The following WWP2 variants were observed in gnomAD, a reference collection of about 807,000 sequenced individuals.
The protein encoded by WWP2 is WW domain containing E3 ubiquitin protein ligase 2, also known as NEDD4-like E3 ubiquitin-protein ligase WWP2.
A neutral mutation model predicts 121.0 loss-of-function variants in WWP2; 57 were observed. The ratio of observed to expected loss-of-function variants is 0.47; its 90% CI spans 0.38 to 0.59. The LOEUF (loss-of-function observed/expected upper bound fraction) is 0.59, where lower values mean the gene tolerates loss of function less well. Among genes scored for constraint, WWP2 ranks in the 20% least tolerant of loss-of-function variants. The pLI is 0.00. For synonymous variants in WWP2, 449 were observed against 441.3 expected, an observed-to-expected ratio of 1.02 and a Z score of -0.22; for missense variants, 962 against 1,158.9, an observed-to-expected ratio of 0.83 and a Z score of 2.47.
At chr16:69,795,696 C>A (rs1014487272) in intron 2 of WWP2, among the ~76,000 whole-genome samples, 1 of 119,294 alleles carries the variant, frequency 8.4e-6, no homozygotes, top group African/African-American at 3.2e-5. Flanking sequence ...CTCTCCATCA[C>A]CCAGGCTGGA....
intron 7 of WWP2, among the ~76,000 whole-genome samples, chr16:69,873,016 G>T (rs998500948): frequency 2.6e-5 from 4 of 152,218 alleles, no homozygotes; most frequent in Admixed American, 2.6e-4. Context: ...AGTTGGGCTG[G>T]GATGTAGATG....
intron 5 of WWP2, among the ~76,000 whole-genome samples, chr16:69,840,975 G>A (rs770057778): frequency 2.6e-5 from 4 of 152,170 alleles, no homozygotes; most frequent in Admixed American, 6.5e-5. Flanking sequence ...CTCAGTGGCC[G>A]GATGGGCCTT....
chr16:69,921,209 T>C (rs1567433357), intron 10 of WWP2, among the ~76,000 whole-genome samples: 1 of 152,174 alleles, frequency 6.6e-6, no homozygotes, highest in Non-Finnish European at 1.5e-5. Flanking sequence ...TTGATTTTCC[T>C]CCCCCTCTGG....
intron 7 of WWP2, among the ~76,000 whole-genome samples, chr16:69,886,440 C>A (rs2057926268): frequency 6.6e-6 from 1 of 151,656 alleles, no homozygotes; most frequent in African/African-American, 2.4e-5. Context: ...ATAGAATCAG[C>A]CTCACATGAA....
At chr16:69,813,017 C>T (rs1192039485) in intron 4 of WWP2, among the ~76,000 whole-genome samples, 1 of 152,142 alleles carries the variant, frequency 6.6e-6, no homozygotes, top group Non-Finnish European at 1.5e-5. Context: ...TGAATTCCAT[C>T]CTTCCTTCTG....
At position 69,896,477 on chromosome 16, in the gene WWP2, G is replaced by A. The variant is rs563849885; in HGVS notation, c.914+8228G>A. 3.1e-3 allele frequency among the ~76,000 whole-genome samples: 475 copies of A among 152,212 alleles called. 4 individuals are homozygous for A. The highest frequency in any genetic ancestry group is 0.011 in the African/African-American group (437 of 41,542). On this transcript the variant is annotated intron_variant, in intron 8 of 23. Coordinates refer to ENST00000359154, the MANE Select transcript of WWP2 (RefSeq NM_001270454.2). ...TAAAGAATATTGTGTCCGTCTTTGT[G>A]TTCCCTGTACCCAGCATACAACTTG...
At chr16:69,815,758 G>C (rs2056477658) in intron 4 of WWP2, among the ~76,000 whole-genome samples, 1 of 148,508 alleles carries the variant, frequency 6.7e-6, no homozygotes, top group Non-Finnish European at 1.5e-5. Context: ...TTGCACTCCA[G>C]CCTGGGCGAC....
intron 2 of WWP2, among the ~76,000 whole-genome samples, chr16:69,795,543 T>G (rs1567669803): frequency 6.7e-6 from 1 of 150,092 alleles, no homozygotes; most frequent in Non-Finnish European, 1.5e-5. Context: ...TATAGACACA[T>G]AGAACAGAAA....
intron 4 of WWP2, among the ~76,000 whole-genome samples, chr16:69,825,972 T>G (rs2151851299): frequency 6.6e-6 from 1 of 152,086 alleles, no homozygotes; most frequent in East Asian, 1.9e-4. Flanking sequence ...CAAACATAAA[T>G]AAAAGTAGAA....
At chr16:69,909,431 C>T (rs183612284) in intron 9 of WWP2, 3 of 985,334 alleles carry the variant, frequency 3.0e-6, no homozygotes, top group African/African-American at 1.8e-5. Context: ...GAAAGGCTGT[C>T]GGAAGTAGGG....
chr16:69,841,450 C>G (rs1198443281), intron 5 of WWP2, among the ~76,000 whole-genome samples: 1 of 151,966 alleles, frequency 6.6e-6, no homozygotes, highest in Non-Finnish European at 1.5e-5. Flanking sequence ...CAGAGGCAGT[C>G]AGCGTGGTTG....
chr16:69,847,229 C>T (rs570912726), intron 6 of WWP2, among the ~76,000 whole-genome samples: 1 of 152,138 alleles, frequency 6.6e-6, no homozygotes, highest in Non-Finnish European at 1.5e-5. Flanking sequence ...GGACTACAGG[C>T]ACATGCCACC....
At position 69,824,851 on chromosome 16, in the gene WWP2, G is replaced by A. The variant is rs2056656590; in HGVS notation, c.341-15275G>A. ...AGTGGTGTGATCTTGGCTCACTGCA[G>A]CCTCCACCTCCCGGGTTCAAGTGAT... is the stretch of plus-strand genomic sequence containing the variant. On this transcript the variant is annotated intron_variant, in intron 4 of 23. Transcript: ENST00000359154. Among the ~76,000 whole-genome samples, 6 of 95,468 alleles carry A rather than the reference G, an allele frequency of 6.3e-5. No individual in the cohort carries two copies. In the Admixed American group the frequency reaches 7.2e-4, roughly 11 times the overall value. The allele number at this position is 95,468 out of a possible 152,430, so 62.6% of individuals were successfully genotyped here. A position where few individuals can be genotyped will look rare whatever the true frequency, so the allele number is the denominator to read the frequency against.
intron 2 of WWP2, among the ~76,000 whole-genome samples, chr16:69,788,724 T>A (rs576791997): frequency 6.6e-6 from 1 of 152,346 alleles, no homozygotes; most frequent in East Asian, 1.9e-4. Context: ...TTATTTCATT[T>A]GTTGACTGTC....
At chr16:69,872,962 T>C (rs1423500146) in intron 7 of WWP2, among the ~76,000 whole-genome samples, 1 of 152,254 alleles carries the variant, frequency 6.6e-6, no homozygotes, top group Non-Finnish European at 1.5e-5. Context: ...TTGTCAAATC[T>C]TTAGAGACTG....
At chr16:69,773,363 G>C (rs2151770718) in intron 1 of WWP2, among the ~76,000 whole-genome samples, 1 of 152,234 alleles carries the variant, frequency 6.6e-6, no homozygotes, top group Non-Finnish European at 1.5e-5. Flanking sequence ...ATTTTTAGTA[G>C]AGATTGGGTT....
intron 8 of WWP2, among the ~76,000 whole-genome samples, chr16:69,906,274 G>T (rs1011261571): frequency 6.6e-6 from 1 of 151,952 alleles, no homozygotes; most frequent in African/African-American, 2.4e-5. Flanking sequence ...GGGTTTTACT[G>T]TGTTAGCCAG....
At chr16:69,763,162 A>T (rs1281955807) in intron 1 of WWP2, among the ~76,000 whole-genome samples, 8 of 152,258 alleles carry the variant, frequency 5.3e-5, no homozygotes, top group African/African-American at 1.4e-4. Context: ...CCTCAGCAAC[A>T]TAGTGACTGC....
At chr16:69,774,380 C>T (rs1416942749) in intron 1 of WWP2, among the ~76,000 whole-genome samples, 2 of 152,074 alleles carry the variant, frequency 1.3e-5, no homozygotes, top group Non-Finnish European at 2.9e-5. Flanking sequence ...CTCACCTCAG[C>T]CTCCCGAGTA....
Sources: allele counts gnomAD v4.1 joint callset (sites outside exome capture counted in the v4.1 genomes callset), GRCh38; gene constraint gnomAD v4.1.1; transcripts MANE v1.5; gene names NCBI Gene and HGNC (gene_info 2026-07-23, HGNC 2026-07-21).